Variants in GALNT18 observed in about 807,000 individuals in gnomAD.
The protein encoded by GALNT18 is polypeptide N-acetylgalactosaminyltransferase 18, also known as GalNAc-transferase 18.
A neutral mutation model predicts 69.5 loss-of-function variants in GALNT18; 44 were observed. The ratio of observed to expected loss-of-function variants is 0.63; its 90% CI spans 0.50 to 0.81. The LOEUF is 0.81. GALNT18 is among the 40% of genes least tolerant of loss of function. The probability of loss-of-function intolerance (pLI) is 0.00; values close to 1 mark genes in which losing one functional copy is unlikely to be tolerated. For synonymous variants in GALNT18, 364 were observed against 318.2 expected, an observed-to-expected ratio of 1.14 and a Z score of -1.53; for missense variants, 715 against 810.0, an observed-to-expected ratio of 0.88 and a Z score of 1.42.
At chr11:11,316,923 T>C (rs987031152) in intron 9 of GALNT18, among the ~76,000 whole-genome samples, 1 of 152,236 alleles carries the variant, frequency 6.6e-6, no homozygotes, top group Non-Finnish European at 1.5e-5. Flanking sequence ...CTTGTAATGC[T>C]TGACGTAAAA....
At chr11:11,524,590 A>AC (rs1201096195) in intron 1 of GALNT18, among the ~76,000 whole-genome samples, 2 of 152,210 alleles carry the variant, frequency 1.3e-5, no homozygotes, top group East Asian at 1.9e-4. Context: ...TTGGTCCTTC[A>AC]GCCTGTGCCT....
At chr11:11,572,156 G>C (rs1858807547) in intron 1 of GALNT18, among the ~76,000 whole-genome samples, 1 of 152,226 alleles carries the variant, frequency 6.6e-6, no homozygotes, top group African/African-American at 2.4e-5. Context: ...TAGTGGTGTG[G>C]ATGCTGTTGG....
chr11:11,605,233 G>T lies in GALNT18; in HGVS notation c.235+16126C>A, dbSNP rs532086556. 2.4e-4 allele frequency among the ~76,000 whole-genome samples: 37 copies of T among 152,282 alleles called. No homozygotes were observed. The highest frequency in any genetic ancestry group is 8.4e-4 in the African/African-American group (35 of 41,570). ...CTCAGACCCACACTCATGGGTGGGT[G>T]ATTCCCCAGGTGGCCAGCAGATAAC... On this transcript the variant is annotated intron_variant, in intron 1 of 10. Transcript: ENST00000227756. This position sits in a 1 kb window ranked among gnomAD's most constrained non-coding sequence, Gnocchi z 4.7.
chr11:11,618,093 G>A lies in GALNT18; in HGVS notation c.235+3266C>T, dbSNP rs554432328. On this transcript the variant is annotated intron_variant, in intron 1 of 10. Coordinates refer to ENST00000227756, the MANE Select transcript of GALNT18 (RefSeq NM_198516.3). The surrounding 1 kb of genome is among the most constrained non-coding windows in gnomAD (Gnocchi z 6.1). The stretch of plus-strand genomic sequence containing the variant: ...GAAATATCACTGCAACTCCCAAGAC[G>A]AAAATAAACTTTTCAGTCATGACTA... 4.6e-5 allele frequency among the ~76,000 whole-genome samples: 7 copies of A among 152,222 alleles called. No homozygotes were observed. The East Asian group carries it at 5.8e-4, about 13-fold the overall frequency.
chr11:11,355,175 T>A (rs1389517305), intron 6 of GALNT18, among the ~76,000 whole-genome samples: 1 of 152,252 alleles, frequency 6.6e-6, no homozygotes, highest in African/African-American at 2.4e-5. Flanking sequence ...TCTGCTTTAA[T>A]GCAGTTCAGC....
intron 9 of GALNT18, among the ~76,000 whole-genome samples, chr11:11,323,816 C>A (rs1357736183): frequency 6.6e-6 from 1 of 152,200 alleles, no homozygotes; most frequent in African/African-American, 2.4e-5. Flanking sequence ...TTCCTGGCTT[C>A]TGTTGAAATG....
chr11:11,454,106 C>G lies in GALNT18; in HGVS notation c.236-5170G>C, dbSNP rs538614176. 2.0e-5 allele frequency among the ~76,000 whole-genome samples: 3 copies of G among 152,254 alleles called. No homozygotes were observed. The East Asian group carries it at 5.8e-4, about 29-fold the overall frequency. The stretch of plus-strand genomic sequence containing the variant: ...GTGAGGTCAGAAAACTCCCTGCCTA[C>G]TAGAGATTCCCCAAATCTTTCAGAG... On this transcript the variant is annotated intron_variant, in intron 1 of 10. Transcript: ENST00000227756. The surrounding 1 kb of genome is among the most constrained non-coding windows in gnomAD (Gnocchi z 4.2).
At chr11:11,512,376 T>C (rs1857183034) in intron 1 of GALNT18, among the ~76,000 whole-genome samples, 1 of 152,214 alleles carries the variant, frequency 6.6e-6, no homozygotes, top group African/African-American at 2.4e-5. Context: ...TTTTTCCTTG[T>C]GGAAATAGTT....
intron 1 of GALNT18, among the ~76,000 whole-genome samples, chr11:11,599,600 GTTAATA>G (rs1470970091): frequency 1.3e-5 from 2 of 151,804 alleles, no homozygotes; most frequent in African/African-American, 2.4e-5. Context: ...CATATTTAAT[GTTAATA>G]TTAATATAGT....
rs138199853 is a variant in GALNT18 at position 11,307,854 on chromosome 11, C to T, written c.1513-14661G>A. 1.4e-3 allele frequency among the ~76,000 whole-genome samples: 214 copies of T among 152,246 alleles called. 2 individuals carry two copies. Among genetic ancestry groups the T allele is most frequent in the East Asian group, 9.7e-3 (50 of 5,172 alleles). On this transcript the variant is annotated intron_variant, in intron 9 of 10. Coordinates refer to ENST00000227756, the MANE Select transcript of GALNT18 (RefSeq NM_198516.3). ...TCCATACAGCCCTGATGGTCCTGGA[C>T]GGAATGTAGCATGAAATACTGGAGC... is the stretch of plus-strand genomic sequence containing the variant.
At chr11:11,448,170 T>C (rs1292492945) in intron 2 of GALNT18, among the ~76,000 whole-genome samples, 1 of 150,368 alleles carries the variant, frequency 6.7e-6, no homozygotes, top group African/African-American at 2.5e-5. Context: ...TTTAAAAAAA[T>C]GTAAAAATGA....
At chr11:11,293,561 G>A (rs1318221811) in intron 9 of GALNT18, among the ~76,000 whole-genome samples, 2 of 86,590 alleles carry the variant, frequency 2.3e-5, no homozygotes, top group Non-Finnish European at 4.3e-5. Context: ...TTTTTTTGGA[G>A]ACAGAGTCTT....
intron 1 of GALNT18, among the ~76,000 whole-genome samples, chr11:11,493,828 C>A (rs575677479): frequency 1.3e-5 from 2 of 152,200 alleles, no homozygotes; most frequent in African/African-American, 4.8e-5. Flanking sequence ...GCCAGTTGTC[C>A]CTTTGATCAT....
At chr11:11,466,083 C>T (rs541546873) in intron 1 of GALNT18, among the ~76,000 whole-genome samples, 5 of 150,346 alleles carry the variant, frequency 3.3e-5, no homozygotes, top group East Asian at 2.0e-4. Flanking sequence ...ATAAGGGAAA[C>T]GAGGTTACAA....
chr11:11,529,670 GATC>G (rs1857598878), intron 1 of GALNT18, among the ~76,000 whole-genome samples: 11 of 151,794 alleles, frequency 7.2e-5, no homozygotes, highest in Admixed American at 4.6e-4. Context: ...GACATATGTA[GATC>G]ATGTTTGCCA....
At chr11:11,451,308 T>C (rs1451304720) in intron 1 of GALNT18, among the ~76,000 whole-genome samples, 1 of 152,246 alleles carries the variant, frequency 6.6e-6, no homozygotes, top group Non-Finnish European at 1.5e-5. Flanking sequence ...AACTGAATCA[T>C]ATAATATTTA....
intron 3 of GALNT18, among the ~76,000 whole-genome samples, chr11:11,384,678 A>T (rs1854006646): frequency 6.6e-6 from 1 of 152,140 alleles, no homozygotes; most frequent in Non-Finnish European, 1.5e-5. Context: ...CCATGTGAGG[A>T]TGAGATGTGA....
intron 1 of GALNT18, among the ~76,000 whole-genome samples, chr11:11,456,164 C>T (rs1855920077): frequency 6.6e-6 from 1 of 152,124 alleles, no homozygotes; most frequent in Admixed American, 6.5e-5. Context: ...AAAGCTTTAT[C>T]CCTGGAGCTG....
At chr11:11,423,347 A>C (rs1206846177) in intron 3 of GALNT18, among the ~76,000 whole-genome samples, 1 of 152,268 alleles carries the variant, frequency 6.6e-6, no homozygotes, top group Non-Finnish European at 1.5e-5. Flanking sequence ...AGATGTGCAG[A>C]CATACACATG....
Sources: allele counts gnomAD v4.1 joint callset (sites outside exome capture counted in the v4.1 genomes callset), GRCh38; gene constraint gnomAD v4.1.1; non-coding constraint Gnocchi (gnomAD v3.1); transcripts MANE v1.5; gene names NCBI Gene and HGNC (gene_info 2026-07-23, HGNC 2026-07-21).